Variants in CACNA1S observed in about 807,000 individuals in gnomAD.
CACNA1S encodes the protein calcium voltage-gated channel subunit alpha1 S.
Under a neutral mutation model 207.4 loss-of-function variants are expected in CACNA1S, and 126 were observed. That is an observed-to-expected ratio of 0.61 (90% confidence interval 0.53 to 0.70). The LOEUF (loss-of-function observed/expected upper bound fraction) is 0.70. Among genes scored for constraint, CACNA1S ranks in the 30% least tolerant of loss-of-function variants. The pLI, the probability that CACNA1S is intolerant of heterozygous loss-of-function variation, is 0.00. For synonymous variants in CACNA1S, 960 were observed against 932.7 expected (o/e 1.03, Z -0.53); for missense variants, 2,349 against 2,422.8 (o/e 0.97, Z 0.64).
At chr1:201,108,259 C>G (rs554519544) in intron 2 of CACNA1S, among the ~76,000 whole-genome samples, 1 of 152,186 alleles carries the variant, frequency 6.6e-6, no homozygotes, top group Admixed American at 6.5e-5. Context: ...GCATGCACCA[C>G]CAGGCCCCGC....
At chr1:201,064,167 C>A (rs939096494) in intron 22 of CACNA1S, among the ~76,000 whole-genome samples, 1 of 152,160 alleles carries the variant, frequency 6.6e-6, no homozygotes, top group Non-Finnish European at 1.5e-5. Context: ...CTCCTCTGCA[C>A]CAGGCCCTGG....
intron 18 of CACNA1S, 28 bp from the exon 19 acceptor site, chr1:201,069,224 C>T (rs1161644848): frequency 6.2e-7 from 1 of 1,607,580 alleles, no homozygotes. Flanking sequence ...GCGGGAGCAG[C>T]CAGTGAGAGG....
chr1:201,110,550 C>A (rs2102191092), intron 1 of CACNA1S, among the ~76,000 whole-genome samples: 1 of 152,314 alleles, frequency 6.6e-6, no homozygotes, highest in South Asian at 2.1e-4. Flanking sequence ...GGCTCCTCAG[C>A]TTTAAGGCCT....
chr1:201,050,949 CCCT>C, intron 33 of CACNA1S, 32 bp downstream of exon 33: 1 of 1,611,688 alleles, frequency 6.2e-7, no homozygotes, highest in Non-Finnish European at 8.5e-7. Flanking sequence ...CTTATCAAAG[CCCT>C]CTCCCTGCCC....
intron 38 of CACNA1S, among the ~76,000 whole-genome samples, chr1:201,046,187 T>TTATTTATTTATC (rs1553248475): frequency 8.6e-4 from 131 of 151,964 alleles, no homozygotes; most frequent in East Asian, 2.7e-3. Flanking sequence ...ATTTATTTAT[T>TTATTTATTTATC]TATCTATCTT....
At chr1:201,054,945 G>T (rs1480016762) in intron 28 of CACNA1S, among the ~76,000 whole-genome samples, 1 of 152,204 alleles carries the variant, frequency 6.6e-6, no homozygotes. Context: ...CCTGCTCATT[G>T]TAAATGGATT....
chr1:201,056,967 C>T lies in CACNA1S; in HGVS notation c.3609+1441G>A, dbSNP rs1222093787. On this transcript the variant is annotated intron_variant, in intron 28 of 43. Coordinates refer to ENST00000362061, the MANE Select transcript of CACNA1S (RefSeq NM_000069.3). Reference sequence around the variant, plus strand: ...CTCCACAGCCAGCCCCGGCCCCCATCGCCTCTCACCTGGATCACTGCGGGA... The same window carrying T: ...CTCCACAGCCAGCCCCGGCCCCCATTGCCTCTCACCTGGATCACTGCGGGA... Among the ~76,000 whole-genome samples, 4 of 152,306 alleles carry T rather than the reference C, an allele frequency of 2.6e-5. No individual in the cohort carries two copies. In the East Asian group the frequency reaches 5.8e-4, roughly 22 times the overall value.
intron 3 of CACNA1S, among the ~76,000 whole-genome samples, chr1:201,093,386 C>G (rs1662310047): frequency 6.6e-6 from 1 of 152,176 alleles, no homozygotes; most frequent in Admixed American, 6.5e-5. Flanking sequence ...TTTCCAGACT[C>G]CAGAACTGTG....
In CACNA1S at chr1:201,066,015, C is replaced by A; in HGVS notation, c.2746-70G>T. 3.4e-6 allele frequency: 4 copies of A among 1,182,388 alleles called. No homozygotes were observed. The highest frequency in any genetic ancestry group is 3.0e-5 in the African/African-American group (2 of 66,120). 73.2% of individuals were successfully genotyped at this position (1,182,388 alleles called of 1,614,324 possible). The stretch of plus-strand genomic sequence containing the variant: ...AACCCTGCTAGCCCAGTTGAGGAAA[C>A]CCCAGGAGTGCAAGACTTGCTGCCT... On this transcript the variant is annotated intron_variant, in intron 21 of 43. Coordinates refer to ENST00000362061, the MANE Select transcript of CACNA1S (RefSeq NM_000069.3). This position sits in a 1 kb window ranked among gnomAD's most constrained non-coding sequence, Gnocchi z 4.3.
chr1:201,072,679 A>T, intron 16 of CACNA1S, 76 bp downstream of exon 16: 2 of 1,048,006 alleles, frequency 1.9e-6, no homozygotes, highest in Non-Finnish European at 3.0e-6. Flanking sequence ...GAGACTGCCC[A>T]TGGGGAGAAT....
intron 13 of CACNA1S, 125 bp downstream of exon 13, chr1:201,075,370 T>A: frequency 8.8e-7 from 1 of 1,136,712 alleles, no homozygotes; most frequent in Non-Finnish European, 1.3e-6. Flanking sequence ...CGCATGGGCC[T>A]GGGAGCTCCC....
At chr1:201,084,896 A>C (rs1661972934) in intron 9 of CACNA1S, 54 bp downstream of exon 9, 1 of 1,214,968 alleles carries the variant, frequency 8.2e-7, no homozygotes, top group Admixed American at 1.7e-5. Flanking sequence ...CTCTACCCTC[A>C]TGTCTCAGGG....
chr1:201,076,794 C>T, intron 12 of CACNA1S, 126 bp downstream of exon 12: 1 of 869,644 alleles, frequency 1.1e-6, no homozygotes, highest in Admixed American at 1.7e-5. Flanking sequence ...CAGAGAAGGA[C>T]ATTGCACTCA....
chr1:201,086,623 C>G (rs942096706), intron 7 of CACNA1S, among the ~76,000 whole-genome samples: 1 of 152,220 alleles, frequency 6.6e-6, no homozygotes, highest in Non-Finnish European at 1.5e-5. Flanking sequence ...ACAATCTTAG[C>G]GCACCACTGT....
Position 201,069,552 on chromosome 1 carries a change from A to C in CACNA1S, c.2410T>G (p.Phe804Val). ...RIVNATWFTN[F>V]ILLFILLSSA... is the part of the protein sequence containing the mutation. ...CTGAGCAGGATGAAGAGCAGGATGA[A>C]GTTGGTAAACCAGGTGGCATTGACG... Residue 804 changes from phenylalanine (F) to valine (V), a missense_variant, in exon 18 of 44, where the codon TTC becomes GTC. Phe to Val is a conservative substitution (Grantham distance 50). Coordinates refer to ENST00000362061, the MANE Select transcript of CACNA1S (RefSeq NM_000069.3). The C allele has an allele frequency of 6.3e-7, 1 of 1,577,010 alleles. No individual in the cohort carries two copies. The highest frequency in any genetic ancestry group is 8.6e-7 in the Non-Finnish European group (1 of 1,161,786).
chr1:201,063,914 T>C (rs982075465), intron 22 of CACNA1S, among the ~76,000 whole-genome samples: 3 of 152,226 alleles, frequency 2.0e-5, no homozygotes, highest in Non-Finnish European at 4.4e-5. Context: ...AGCTTGACTC[T>C]GCTATAATGT....
At position 201,069,467 on chromosome 1, in the gene CACNA1S, G is replaced by C. The variant is rs369813191; in HGVS notation, c.2490+5C>G. 20 of 1,605,666 alleles carry C rather than the reference G, an allele frequency of 1.2e-5. No homozygotes were observed. Among genetic ancestry groups the C allele is most frequent in the Non-Finnish European group, 1.5e-5 (18 of 1,177,266 alleles). On this transcript the variant is annotated splice_donor_5th_base_variant and intron_variant, in intron 18 of 43. Transcript: ENST00000362061. Reference sequence around the variant, plus strand: ...CTGAGTGGCAGAGAGGGTGAAGCCCGTCACCTGATTTCTCATGGAATCAGC... The same window carrying C: ...CTGAGTGGCAGAGAGGGTGAAGCCCCTCACCTGATTTCTCATGGAATCAGC...
At position 201,066,151 on chromosome 1, in the gene CACNA1S, G is replaced by T; in HGVS notation, c.2745+78C>A. 1 of 1,392,602 alleles carries T rather than the reference G, an allele frequency of 7.2e-7. No homozygotes were observed. Among genetic ancestry groups the T allele is most frequent in the Non-Finnish European group, 1.0e-6 (1 of 980,158 alleles). 86.3% of individuals were successfully genotyped at this position (1,392,602 alleles called of 1,614,324 possible). A position where few individuals can be genotyped will look rare whatever the true frequency, so the allele number is the denominator to read the frequency against. On this transcript the variant is annotated intron_variant, in intron 21 of 43. Coordinates refer to ENST00000362061, the MANE Select transcript of CACNA1S (RefSeq NM_000069.3). The surrounding 1 kb of genome is among the most constrained non-coding windows in gnomAD (Gnocchi z 4.3). ...GGACAGGGGTCCCAGCCATGGCTGG[G>T]CTGAGGTTTCTGGAGCGAGGAGGCC...
chr1:201,053,647 A>G lies in CACNA1S; in HGVS notation c.3667-60T>C. 2.8e-5 allele frequency: 20 copies of G among 722,826 alleles called. No homozygotes were observed. The highest frequency in any genetic ancestry group is 3.8e-5 in the Non-Finnish European group (16 of 424,890). The allele number at this position is 722,826 out of a possible 1,614,324, so 44.8% of individuals were successfully genotyped here. ...GCAGAACCTCAGAGGGGTAAGGGGC[A>G]GGGCGGGGAGGGAGGTGCACTGTGT... On this transcript the variant is annotated intron_variant, in intron 29 of 43. Coordinates refer to ENST00000362061, the MANE Select transcript of CACNA1S (RefSeq NM_000069.3). The surrounding 1 kb of genome is among the most constrained non-coding windows in gnomAD (Gnocchi z 5.1).
Sources: gnomAD v4.1 joint callset for allele counts (sites outside exome capture counted in the v4.1 genomes callset) on GRCh38, gnomAD v4.1.1 for gene constraint, Gnocchi (gnomAD v3.1) non-coding constraint, MANE v1.5 for transcripts, NCBI Gene and HGNC (gene_info 2026-07-23, HGNC 2026-07-21) for gene names.